ZRANB3: variants seen among roughly 807,000 people sequenced by gnomAD.
ZRANB3 encodes the protein zinc finger RANBP2-type containing 3, also known as DNA annealing helicase and endonuclease ZRANB3.
A neutral mutation model predicts 133.8 loss-of-function variants in ZRANB3; 125 were observed. The ratio of observed to expected loss-of-function variants is 0.93; its 90% CI spans 0.81 to 1.08. The LOEUF (loss-of-function observed/expected upper bound fraction) is 1.08. Ranked by LOEUF, ZRANB3 falls within the 50% of genes least tolerant of loss-of-function variation. The pLI is 0.00. For synonymous variants in ZRANB3, 387 were observed against 432.7 expected, an observed-to-expected ratio of 0.89 and a Z score of 1.31; for missense variants, 1,229 against 1,275.5, an observed-to-expected ratio of 0.96 and a Z score of 0.56.
At chr2:135,518,775 T>C (rs1469861724) in intron 1 of ZRANB3, among the ~76,000 whole-genome samples, 2 of 152,330 alleles carry the variant, frequency 1.3e-5, no homozygotes, top group South Asian at 2.1e-4. Context: ...GTCATGTGGC[T>C]ATAGATGTCA....
chr2:135,375,777 C>A lies in ZRANB3; in HGVS notation c.180+15025G>T, dbSNP rs11887622. 5.8e-3 allele frequency among the ~76,000 whole-genome samples: 878 copies of A among 150,500 alleles called. 13 individuals carry two copies. The highest frequency in any genetic ancestry group is 0.033 in the South Asian group (159 of 4,768). ...GTCTGAGGCAGGAGAATCGCTTGAACCCCGGGAGACGGAGGTTGTGGTCAG... is the reference window on the plus strand; with the variant it reads ...GTCTGAGGCAGGAGAATCGCTTGAAACCCGGGAGACGGAGGTTGTGGTCAG... On this transcript the variant is annotated intron_variant, in intron 3 of 20. Coordinates refer to ENST00000264159, the MANE Select transcript of ZRANB3 (RefSeq NM_032143.4).
At chr2:135,443,036 A>C (rs1239177934) in intron 2 of ZRANB3, among the ~76,000 whole-genome samples, 3 of 151,946 alleles carry the variant, frequency 2.0e-5, no homozygotes, top group Admixed American at 2.0e-4. Context: ...GAATGGCGTG[A>C]ATCTGGGAAG....
intron 3 of ZRANB3, among the ~76,000 whole-genome samples, chr2:135,384,871 A>T (rs1574013446): frequency 6.6e-6 from 1 of 152,130 alleles, no homozygotes; most frequent in Non-Finnish European, 1.5e-5. Context: ...TTTATGACAA[A>T]CTCACAGCCA....
intron 2 of ZRANB3, among the ~76,000 whole-genome samples, chr2:135,474,063 C>T (rs1691394999): frequency 1.3e-5 from 2 of 151,900 alleles, no homozygotes; most frequent in Admixed American, 6.6e-5. Flanking sequence ...TGGTGGCTTG[C>T]GTCTCTAGTC....
At chr2:135,249,652 C>T (rs552229795) in intron 12 of ZRANB3, among the ~76,000 whole-genome samples, 6 of 152,168 alleles carry the variant, frequency 3.9e-5, no homozygotes, top group Non-Finnish European at 8.8e-5. Context: ...GTTTTTCCTG[C>T]GCTAGTCTAG....
intron 8 of ZRANB3, among the ~76,000 whole-genome samples, chr2:135,281,664 TTCTC>T (rs1240161750): frequency 6.6e-6 from 1 of 151,940 alleles, no homozygotes; most frequent in African/African-American, 2.4e-5. Flanking sequence ...AGAACCTGGG[TTCTC>T]TCTCTTTTTT....
At chr2:135,303,831 C>A (rs1682557384) in intron 8 of ZRANB3, among the ~76,000 whole-genome samples, 2 of 152,068 alleles carry the variant, frequency 1.3e-5, no homozygotes, top group South Asian at 4.1e-4. Context: ...CTAAACAATG[C>A]TTTGTAGTTT....
At chr2:135,356,529 T>G (rs1423778340) in intron 3 of ZRANB3, among the ~76,000 whole-genome samples, 1 of 152,204 alleles carries the variant, frequency 6.6e-6, no homozygotes, top group African/African-American at 2.4e-5. Flanking sequence ...CCTGATATGC[T>G]GGGAAGTTTA....
intron 2 of ZRANB3, among the ~76,000 whole-genome samples, chr2:135,485,180 A>AACATAACAT (rs1553502629): frequency 0.023 from 2,605 of 115,106 alleles, 52 homozygotes; most frequent in South Asian, 0.068. Context: ...AAACAAAACA[A>AACATAACAT]AACAAAACAT....
intron 2 of ZRANB3, among the ~76,000 whole-genome samples, chr2:135,432,748 GTCTC>G (rs1189340458): frequency 6.6e-6 from 1 of 152,182 alleles, no homozygotes; most frequent in Non-Finnish European, 1.5e-5. Flanking sequence ...TATCTAAAAT[GTCTC>G]AAAGAAGGCC....
chr2:135,250,218 AC>A (rs1679321457), intron 12 of ZRANB3, among the ~76,000 whole-genome samples: 1 of 152,170 alleles, frequency 6.6e-6, no homozygotes, highest in African/African-American at 2.4e-5. Context: ...GGAACTTTGA[AC>A]TTGAGAGAGA....
chr2:135,322,634 C>T (rs2104835731), intron 6 of ZRANB3, among the ~76,000 whole-genome samples: 1 of 151,924 alleles, frequency 6.6e-6, no homozygotes, highest in Non-Finnish European at 1.5e-5. Flanking sequence ...AGGAGGATTG[C>T]TTGAGCCCAG....
intron 2 of ZRANB3, among the ~76,000 whole-genome samples, chr2:135,391,141 G>A (rs1395605451): frequency 6.6e-6 from 1 of 152,206 alleles, no homozygotes; most frequent in African/African-American, 2.4e-5. Context: ...TTACAGGCGT[G>A]AGCAACTGTG....
chr2:135,339,288 G>A (rs930880137), intron 6 of ZRANB3, among the ~76,000 whole-genome samples: 37 of 152,260 alleles, frequency 2.4e-4, no homozygotes, highest in African/African-American at 8.9e-4. Context: ...GTGCATGCCT[G>A]TAATCCCAGC....
chr2:135,395,225 G>T (rs1687434121), intron 2 of ZRANB3, among the ~76,000 whole-genome samples: 1 of 151,974 alleles, frequency 6.6e-6, no homozygotes, highest in Admixed American at 6.6e-5. Flanking sequence ...TTTGGACAAA[G>T]CTGTCAGAAA....
At chr2:135,518,120 G>A (rs1006657138) in intron 1 of ZRANB3, among the ~76,000 whole-genome samples, 5 of 152,082 alleles carry the variant, frequency 3.3e-5, no homozygotes, top group African/African-American at 7.2e-5. Context: ...TACCAAGCTC[G>A]ACCGTCCCAG....
At chr2:135,287,670 CTTTTTTTT>C (rs59739293) in intron 8 of ZRANB3, among the ~76,000 whole-genome samples, 1 of 98,058 alleles carries the variant, frequency 1.0e-5, no homozygotes, top group Non-Finnish European at 2.0e-5. Context: ...TATTTCTTTC[CTTTTTTTT>C]TTTTTTTTTT....
chr2:135,445,459 A>C (rs1347456802), intron 2 of ZRANB3, among the ~76,000 whole-genome samples: 1 of 151,994 alleles, frequency 6.6e-6, no homozygotes, highest in Non-Finnish European at 1.5e-5. Flanking sequence ...TAAGTAAATA[A>C]AGGGGAAAAT....
chr2:135,285,856 T>C (rs1276188048), intron 8 of ZRANB3, among the ~76,000 whole-genome samples: 1 of 152,222 alleles, frequency 6.6e-6, no homozygotes, highest in Non-Finnish European at 1.5e-5. Context: ...GAGAATATTA[T>C]GCTGATCACA....
Sources: gnomAD v4.1 joint callset for allele counts (sites outside exome capture counted in the v4.1 genomes callset) on GRCh38, gnomAD v4.1.1 for gene constraint, MANE v1.5 for transcripts, NCBI Gene and HGNC (gene_info 2026-07-23, HGNC 2026-07-21) for gene names.